The following DAB1 variants were observed in gnomAD, a reference collection of about 807,000 sequenced individuals.
DAB1 encodes disabled homolog 1.
Under a neutral mutation model 64.6 loss-of-function variants are expected in DAB1, and 15 were observed. The ratio of observed to expected loss-of-function variants is 0.23; its 90% CI spans 0.16 to 0.36. The LOEUF is 0.36. Among genes scored for constraint, DAB1 ranks in the 10% least tolerant of loss-of-function variants. The pLI is 1.00. For missense variants in DAB1, 596 were observed against 706.7 expected (o/e 0.84, Z 1.78); for synonymous variants, 235 against 251.9 (o/e 0.93, Z 0.64).
chr1:57,188,379 G>C (rs1000937269), intron 2 of DAB1, among the ~76,000 whole-genome samples: 6 of 151,974 alleles, frequency 3.9e-5, no homozygotes, highest in Non-Finnish European at 8.8e-5. Flanking sequence ...GTAATCGACA[G>C]AAAAAGGCAG....
At chr1:57,154,230 C>T (rs1294082683) in intron 2 of DAB1, among the ~76,000 whole-genome samples, 1 of 152,136 alleles carries the variant, frequency 6.6e-6, no homozygotes, top group Non-Finnish European at 1.5e-5. Flanking sequence ...TTTTACTCTC[C>T]AGCTCTATGA....
intron 4 of DAB1, among the ~76,000 whole-genome samples, chr1:58,190,076 T>C (rs1832488): frequency 0.19 from 28,827 of 152,130 alleles, 2,937 homozygotes; most frequent in East Asian, 0.37. Context: ...GGTCAGCTAA[T>C]ACTGGATTAG....
intron 4 of DAB1, among the ~76,000 whole-genome samples, chr1:58,333,002 C>T (rs1250103687): frequency 6.6e-6 from 1 of 152,126 alleles, no homozygotes; most frequent in African/African-American, 2.4e-5. Flanking sequence ...CCTCTGCTCC[C>T]GGGTTCAAGC....
intron 1 of DAB1, among the ~76,000 whole-genome samples, chr1:57,352,106 T>C (rs1248345947): frequency 1.3e-5 from 2 of 152,116 alleles, no homozygotes; most frequent in Non-Finnish European, 2.9e-5. Flanking sequence ...CTGGCTGACT[T>C]TGTTCCATCC....
intron 3 of DAB1, among the ~76,000 whole-genome samples, chr1:58,491,394 G>C (rs7554278): frequency 0.31 from 47,168 of 151,952 alleles, 7,750 homozygotes; most frequent in African/African-American, 0.42. Flanking sequence ...ATAATGACAG[G>C]ATCAAATTCA....
rs80305863 is a variant in DAB1 at position 57,318,820 on chromosome 1, C to T, written c.-136-27654G>A. On this transcript the variant is annotated intron_variant, in intron 1 of 14. Transcript: ENST00000371236. ...GATGGGTAAAGACATGGGCTTGTTA[C>T]GTTGTGGTTTCACATTTTGCATGTT... Among the ~76,000 whole-genome samples, 559 of 150,744 alleles carry T rather than the reference C, an allele frequency of 3.7e-3. 3 individuals are homozygous for T. The highest frequency in any genetic ancestry group is 0.013 in the African/African-American group (529 of 41,056).
chr1:57,013,089 G>A (rs536259445), intron 12 of DAB1, among the ~76,000 whole-genome samples: 4 of 152,336 alleles, frequency 2.6e-5, no homozygotes, highest in South Asian at 2.1e-4. Context: ...AGAGGCCAGC[G>A]TTGCTGCTAA....
chr1:57,085,222 C>T (rs962202958), intron 4 of DAB1, among the ~76,000 whole-genome samples: 3 of 152,144 alleles, frequency 2.0e-5, no homozygotes, highest in African/African-American at 4.8e-5. Flanking sequence ...CAGTCTGATG[C>T]CAAGCTTCAT....
chr1:57,982,891 T>C (rs535185251), intron 5 of DAB1, among the ~76,000 whole-genome samples: 6 of 152,206 alleles, frequency 3.9e-5, no homozygotes, highest in African/African-American at 1.4e-4. Flanking sequence ...TCACCAATAT[T>C]TTCTCATTTA....
chr1:57,463,411 G>T (rs1458995962), intron 7 of DAB1, among the ~76,000 whole-genome samples: 2 of 152,040 alleles, frequency 1.3e-5, no homozygotes, highest in South Asian at 2.1e-4. Context: ...CATTTTGAGG[G>T]GTCTTATGTT....
chr1:57,338,696 A>G (rs1677303122), intron 1 of DAB1, among the ~76,000 whole-genome samples: 1 of 152,170 alleles, frequency 6.6e-6, no homozygotes, highest in African/African-American at 2.4e-5. Context: ...CTCTTCATGC[A>G]ATCATTGTTC....
intron 9 of DAB1, among the ~76,000 whole-genome samples, chr1:57,029,951 G>A (rs768184303): frequency 2.7e-4 from 41 of 152,134 alleles, no homozygotes; most frequent in Non-Finnish European, 5.4e-4. Flanking sequence ...GGGACTGTTG[G>A]GAAGGCATGA....
At chr1:57,987,848 T>G (rs564756804) in intron 5 of DAB1, among the ~76,000 whole-genome samples, 1 of 75,966 alleles carries the variant, frequency 1.3e-5, no homozygotes, top group African/African-American at 2.9e-5. Flanking sequence ...GTTTTTTTTG[T>G]TTTTTTTTTC....
chr1:58,332,363 C>T (rs1662989550), intron 4 of DAB1, among the ~76,000 whole-genome samples: 1 of 152,134 alleles, frequency 6.6e-6, no homozygotes, highest in South Asian at 2.1e-4. Flanking sequence ...TTTCCTTCTT[C>T]AGGCAGCGTT....
chr1:57,909,793 C>T (rs1033419929), intron 5 of DAB1, among the ~76,000 whole-genome samples: 1 of 152,186 alleles, frequency 6.6e-6, no homozygotes, highest in Non-Finnish European at 1.5e-5. Flanking sequence ...TGATAGCATG[C>T]TTGGTTCACA....
chr1:58,011,108 C>A (rs1646661736), intron 5 of DAB1, among the ~76,000 whole-genome samples: 1 of 152,186 alleles, frequency 6.6e-6, no homozygotes, highest in Admixed American at 6.5e-5. Context: ...AGCATGACAA[C>A]CACCAGGCCT....
At chr1:57,670,437 C>T (rs938639422) in intron 6 of DAB1, among the ~76,000 whole-genome samples, 8 of 152,114 alleles carry the variant, frequency 5.3e-5, no homozygotes, top group African/African-American at 1.9e-4. Flanking sequence ...GAAATGTGCT[C>T]TACCTTGTTC....
intron 5 of DAB1, among the ~76,000 whole-genome samples, chr1:58,089,575 A>G (rs1418318440): frequency 6.6e-6 from 1 of 152,234 alleles, no homozygotes; most frequent in African/African-American, 2.4e-5. Context: ...AATGGTCTGA[A>G]TTCTTTACAT....
intron 4 of DAB1, among the ~76,000 whole-genome samples, chr1:58,285,711 A>G (rs904044284): frequency 6.6e-5 from 10 of 152,260 alleles, no homozygotes; most frequent in Non-Finnish European, 1.2e-4. Flanking sequence ...CATGGATAGG[A>G]AGAATCAATA....
Sources: allele counts gnomAD v4.1 joint callset (sites outside exome capture counted in the v4.1 genomes callset), GRCh38; gene constraint gnomAD v4.1.1; transcripts MANE v1.5; gene names NCBI Gene and HGNC (gene_info 2026-07-23, HGNC 2026-07-21).